Variants in GRM7 observed in about 807,000 individuals in gnomAD.
The protein encoded by GRM7 is glutamate metabotropic receptor 7.
Under a neutral mutation model 84.5 loss-of-function variants are expected in GRM7, and 35 were observed. The observed-to-expected ratio is 0.41, with a 90% CI of 0.32 to 0.55. The LOEUF is 0.55. Among genes scored for constraint, GRM7 ranks in the 20% least tolerant of loss-of-function variants. The probability of loss-of-function intolerance (pLI) is 0.19; values close to 1 mark genes in which losing one functional copy is unlikely to be tolerated. For synonymous variants in GRM7, 487 were observed against 455.1 expected (o/e 1.07, Z -0.89); for missense variants, 1,003 against 1,194.6 (o/e 0.84, Z 2.36).
intron 3 of GRM7, among the ~76,000 whole-genome samples, 172 bp downstream of exon 3, chr3:7,298,997 T>C (rs964939911): frequency 1.3e-5 from 2 of 152,166 alleles, no homozygotes; most frequent in Non-Finnish European, 2.9e-5. Flanking sequence ...CATGTTATGG[T>C]CACGTGTTTT....
At position 6,862,307 on chromosome 3, in the gene GRM7, C is replaced by A. The variant is rs566670933; in HGVS notation, c.519+400C>A. Among the ~76,000 whole-genome samples, 1 of 152,032 alleles carries A rather than the reference C, an allele frequency of 6.6e-6. No homozygotes were observed. Among genetic ancestry groups the A allele is most frequent in the African/African-American group, 2.4e-5 (1 of 41,390 alleles). ...GAAAGATGAGACGATGCCTGGAAACCGGGCATTTCCCAACTCCCCAGCTTC... is the reference window on the plus strand; with the variant it reads ...GAAAGATGAGACGATGCCTGGAAACAGGGCATTTCCCAACTCCCCAGCTTC... On this transcript the variant is annotated intron_variant, in intron 1 of 9. Transcript: ENST00000357716. The surrounding 1 kb of genome is among the most constrained non-coding windows in gnomAD (Gnocchi z 5.2).
intron 3 of GRM7, among the ~76,000 whole-genome samples, chr3:7,305,176 A>T (rs141750383): frequency 4.5e-4 from 68 of 152,290 alleles, no homozygotes; most frequent in African/African-American, 1.6e-3. Flanking sequence ...AATTTCTATT[A>T]TACTGACTTT....
chr3:7,033,970 T>G (rs570372322), intron 1 of GRM7, among the ~76,000 whole-genome samples: 2 of 152,320 alleles, frequency 1.3e-5, no homozygotes, highest in Admixed American at 1.3e-4. Context: ...AATATTGAAG[T>G]GCAATTGCCT....
intron 1 of GRM7, among the ~76,000 whole-genome samples, chr3:7,131,299 C>T (rs1237104037): frequency 1.3e-5 from 2 of 152,028 alleles, no homozygotes. Flanking sequence ...CCTCGTTAAA[C>T]AATCAATGAC....
At chr3:7,080,653 C>A (rs1698246401) in intron 1 of GRM7, among the ~76,000 whole-genome samples, 1 of 150,898 alleles carries the variant, frequency 6.6e-6, no homozygotes, top group African/African-American at 2.4e-5. Flanking sequence ...TGTGTGTATG[C>A]ATATATATAA....
intron 2 of GRM7, among the ~76,000 whole-genome samples, chr3:7,270,932 T>C (rs181087621): frequency 6.6e-6 from 1 of 152,172 alleles, no homozygotes; most frequent in Non-Finnish European, 1.5e-5. Flanking sequence ...GCTGGTGTTA[T>C]CTCAACAATG....
At chr3:7,134,422 C>T (rs1487357021) in intron 1 of GRM7, among the ~76,000 whole-genome samples, 1 of 137,446 alleles carries the variant, frequency 7.3e-6, no homozygotes, top group African/African-American at 2.9e-5. Context: ...GCAAAATCAT[C>T]ATCATCGTCA....
At chr3:7,204,559 G>T (rs1010144449) in intron 2 of GRM7, among the ~76,000 whole-genome samples, 1 of 152,204 alleles carries the variant, frequency 6.6e-6, no homozygotes, top group African/African-American at 2.4e-5. Flanking sequence ...TCTCCCTGAA[G>T]CACACAGCTA....
chr3:7,667,813 A>AAAAC (rs1699761728), intron 8 of GRM7, among the ~76,000 whole-genome samples: 1 of 151,936 alleles, frequency 6.6e-6, no homozygotes, highest in African/African-American at 2.4e-5. Context: ...TTACAAAAAC[A>AAAAC]AAACACATAT....
intron 7 of GRM7, among the ~76,000 whole-genome samples, chr3:7,468,961 A>G (rs1484578041): frequency 6.6e-6 from 1 of 152,174 alleles, no homozygotes; most frequent in Non-Finnish European, 1.5e-5. Flanking sequence ...CAGTGTGAAA[A>G]CAGACTAATA....
intron 1 of GRM7, among the ~76,000 whole-genome samples, chr3:7,118,410 GA>G (rs1437252602): frequency 6.7e-6 from 1 of 150,022 alleles, no homozygotes; most frequent in African/African-American, 2.5e-5. Flanking sequence ...AGTATAAATG[GA>G]AAAAATGAAT....
At chr3:7,323,744 C>T (rs1415134410) in intron 4 of GRM7, among the ~76,000 whole-genome samples, 7 of 152,204 alleles carry the variant, frequency 4.6e-5, no homozygotes, top group African/African-American at 1.4e-4. Context: ...CACATTGTTA[C>T]AGAAATATTT....
rs572997689 is a variant in GRM7 at position 7,320,127 on chromosome 3, A to G, written c.1033+13475A>G. Among the ~76,000 whole-genome samples, 4 of 152,086 alleles carry G rather than the reference A, an allele frequency of 2.6e-5. No individual in the cohort carries two copies. In the East Asian group the frequency reaches 7.7e-4, roughly 29 times the overall value. On this transcript the variant is annotated intron_variant, in intron 4 of 9. Transcript: ENST00000357716. ...ATTCTTGCACTTCAAAGAATTATGTATGCATGGAAATGTACAGTACCTGTG... is the reference window on the plus strand; with the variant it reads ...ATTCTTGCACTTCAAAGAATTATGTGTGCATGGAAATGTACAGTACCTGTG...
At chr3:7,533,460 C>T (rs890185021) in intron 7 of GRM7, among the ~76,000 whole-genome samples, 1 of 152,088 alleles carries the variant, frequency 6.6e-6, no homozygotes, top group Non-Finnish European at 1.5e-5. Context: ...AAAACAAAGA[C>T]CACAATGTAC....
chr3:7,708,576 TACAGGG>T (rs1221745670), intron 9 of GRM7, among the ~76,000 whole-genome samples: 1 of 152,102 alleles, frequency 6.6e-6, no homozygotes, highest in Admixed American at 6.6e-5. Flanking sequence ...TTTATACAGG[TACAGGG>T]ACAGGAAGGT....
chr3:7,549,893 A>G (rs1693364096), intron 7 of GRM7, among the ~76,000 whole-genome samples: 1 of 152,322 alleles, frequency 6.6e-6, no homozygotes, highest in East Asian at 1.9e-4. Context: ...GGTCCAAAAA[A>G]CCAGAAGGTA....
chr3:6,878,219 CTTTG>C (rs1486220860), intron 1 of GRM7, among the ~76,000 whole-genome samples: 4 of 151,994 alleles, frequency 2.6e-5, no homozygotes, highest in Non-Finnish European at 5.9e-5. Flanking sequence ...TTTAATTGTA[CTTTG>C]TTTGTTGCTG....
chr3:7,469,167 G>A (rs891901550), intron 7 of GRM7, among the ~76,000 whole-genome samples: 4 of 152,274 alleles, frequency 2.6e-5, no homozygotes, highest in South Asian at 4.1e-4. Context: ...TGTTGACTTA[G>A]CGTCCCAGTG....
intron 1 of GRM7, among the ~76,000 whole-genome samples, chr3:6,905,168 T>C (rs562821550): frequency 6.9e-4 from 105 of 152,340 alleles, no homozygotes; most frequent in African/African-American, 2.3e-3. Context: ...TGGATTTGTA[T>C]TGGAATTGCA....
Sources: allele counts gnomAD v4.1 joint callset (sites outside exome capture counted in the v4.1 genomes callset), GRCh38; gene constraint gnomAD v4.1.1; non-coding constraint Gnocchi (gnomAD v3.1); transcripts MANE v1.5; gene names NCBI Gene and HGNC (gene_info 2026-07-23, HGNC 2026-07-21).